LRP1B: variants seen among roughly 807,000 people sequenced by gnomAD.
The protein encoded by LRP1B is LDL receptor related protein 1B, also known as low-density lipoprotein receptor-related protein 1B.
LRP1B carries 217 observed loss-of-function variants against 556.6 expected under a neutral mutation model. The ratio of observed to expected loss-of-function variants is 0.39; its 90% confidence interval spans 0.35 to 0.44. LRP1B has a LOEUF of 0.44. LRP1B is among the 20% of genes least tolerant of loss of function. The pLI is 1.00. For synonymous variants in LRP1B, 2,047 were observed against 1,865.8 expected (o/e 1.10, Z -2.50); for missense variants, 5,053 against 5,620.8 (o/e 0.90, Z 3.23).
chr2:141,591,760 C>T (rs1445482945), intron 2 of LRP1B, among the ~76,000 whole-genome samples: 1 of 151,932 alleles, frequency 6.6e-6, no homozygotes, highest in African/African-American at 2.4e-5. Flanking sequence ...TATGATTAAG[C>T]CTATAAAAAA....
intron 18 of LRP1B, among the ~76,000 whole-genome samples, chr2:140,962,589 C>T (rs1361961392): frequency 1.3e-5 from 2 of 152,138 alleles, no homozygotes; most frequent in Admixed American, 6.5e-5. Flanking sequence ...ACAGAAGTTA[C>T]ACCACGACTG....
At chr2:141,070,905 C>T (rs2105482535) in intron 7 of LRP1B, among the ~76,000 whole-genome samples, 1 of 152,194 alleles carries the variant, frequency 6.6e-6, no homozygotes, top group South Asian at 2.1e-4. Flanking sequence ...GATGGATTCA[C>T]AGCCGAATTC....
At chr2:140,900,629 T>C (rs1694077169) in intron 23 of LRP1B, among the ~76,000 whole-genome samples, 1 of 152,176 alleles carries the variant, frequency 6.6e-6, no homozygotes, top group South Asian at 2.1e-4. Context: ...TAACTGCATA[T>C]TATTTTCCCA....
rs1270017540 is a variant in LRP1B at position 140,748,823 on chromosome 2, TATATCATATA to T, written c.5758+20380_5758+20389del. On this transcript the variant is annotated intron_variant, in intron 35 of 90. Transcript: ENST00000389484. ...ACATATTATATACATGTATATAATA[TATATCATATA>T]TTATATACATGTATATAATATATAT... 1.3e-3 allele frequency among the ~76,000 whole-genome samples: 116 copies of T among 92,426 alleles called. 3 individuals carry two copies. The highest frequency in any genetic ancestry group is 5.2e-3 in the African/African-American group (114 of 21,786). 60.6% of individuals were successfully genotyped at this position (92,426 alleles called of 152,430 possible).
chr2:140,712,662 C>A (rs1687074923), intron 37 of LRP1B, among the ~76,000 whole-genome samples: 1 of 152,036 alleles, frequency 6.6e-6, no homozygotes. Context: ...CCCTTCATCA[C>A]CCAGTTTGCA....
At chr2:140,908,730 T>C (rs539355556) in intron 21 of LRP1B, among the ~76,000 whole-genome samples, 2 of 152,210 alleles carry the variant, frequency 1.3e-5, no homozygotes, top group South Asian at 2.1e-4. Flanking sequence ...AAAAAAATAA[T>C]TATTGTTTAG....
chr2:141,624,021 A>C (rs1688604894), intron 2 of LRP1B, among the ~76,000 whole-genome samples: 2 of 125,592 alleles, frequency 1.6e-5, no homozygotes, highest in Non-Finnish European at 3.4e-5. Flanking sequence ...AACTCAAAAA[A>C]AAAAAAAAAT....
At chr2:140,288,463 C>T (rs1573738768) in intron 84 of LRP1B, among the ~76,000 whole-genome samples, 3 of 151,728 alleles carry the variant, frequency 2.0e-5, no homozygotes, top group Admixed American at 2.0e-4. Context: ...ATATAAATAA[C>T]CACGTTTAAA....
At chr2:140,270,482 A>G in intron 85 of LRP1B, 136 bp from the exon 86 acceptor site, 1 of 597,138 alleles carries the variant, frequency 1.7e-6, no homozygotes, top group South Asian at 2.3e-5. Flanking sequence ...GGAAGTTTTC[A>G]GGAAGTCTGA....
chr2:140,604,400 T>C (rs1279951435), intron 41 of LRP1B, among the ~76,000 whole-genome samples: 1 of 152,040 alleles, frequency 6.6e-6, no homozygotes, highest in Non-Finnish European at 1.5e-5. Context: ...TGTACCCTAT[T>C]TCCTGGATTC....
intron 35 of LRP1B, among the ~76,000 whole-genome samples, chr2:140,741,907 A>C (rs901496709): frequency 3.3e-5 from 5 of 152,292 alleles, no homozygotes; most frequent in African/African-American, 9.6e-5. Context: ...AATAGCCTCC[A>C]GCTCCATTCA....
intron 49 of LRP1B, among the ~76,000 whole-genome samples, chr2:140,521,087 TGAGA>T (rs1200158677): frequency 6.6e-6 from 1 of 151,934 alleles, no homozygotes; most frequent in Admixed American, 6.6e-5. Flanking sequence ...TTGAGATTCA[TGAGA>T]GAGAAGAGAA....
At chr2:141,471,371 C>T (rs1239916079) in intron 3 of LRP1B, among the ~76,000 whole-genome samples, 1 of 149,468 alleles carries the variant, frequency 6.7e-6, no homozygotes, top group African/African-American at 2.5e-5. Flanking sequence ...TGTAACTCCT[C>T]TTGGTCTATT....
chr2:141,709,296 C>T lies in LRP1B; in HGVS notation c.205+100983G>A, dbSNP rs996108748. Among the ~76,000 whole-genome samples the T allele has an allele frequency of 4.6e-5, 7 of 151,806 alleles. No individual in the cohort carries two copies. The South Asian group carries it at 1.5e-3, about 32-fold the overall frequency. On this transcript the variant is annotated intron_variant, in intron 2 of 90. Coordinates refer to ENST00000389484, the MANE Select transcript of LRP1B (RefSeq NM_018557.3). ...CCTGGGAGGCAGAAGTTGCAGTGAG[C>T]CAAGACTGCACCATTGCACTCCAGC...
intron 32 of LRP1B, among the ~76,000 whole-genome samples, chr2:140,808,969 G>T (rs1690823735): frequency 2.0e-5 from 3 of 151,968 alleles, no homozygotes; most frequent in African/African-American, 7.3e-5. Flanking sequence ...GCTCTACCAG[G>T]TGACTTTTTT....
At chr2:141,072,724 A>T (rs1392457063) in intron 7 of LRP1B, among the ~76,000 whole-genome samples, 2 of 151,716 alleles carry the variant, frequency 1.3e-5, no homozygotes, top group African/African-American at 2.4e-5. Context: ...TAACCCTTTG[A>T]TTCACTTCAC....
At position 142,071,655 on chromosome 2, in the gene LRP1B, G is replaced by A. The variant is rs1412982003; in HGVS notation, c.82+58993C>T. 1.3e-4 allele frequency among the ~76,000 whole-genome samples: 19 copies of A among 151,990 alleles called. 1 individual carries two copies. Among genetic ancestry groups the A allele is most frequent in the Admixed American group, 1.2e-3 (19 of 15,216 alleles). ...AACAGAGGCAAAGTTGAGTATTTGT[G>A]ACAGAGACTGTACGACCTGTAAACC... is the stretch of plus-strand genomic sequence containing the variant. On this transcript the variant is annotated intron_variant, in intron 1 of 90. Coordinates refer to ENST00000389484, the MANE Select transcript of LRP1B (RefSeq NM_018557.3).
chr2:140,559,161 C>T (rs1308697988), intron 43 of LRP1B, among the ~76,000 whole-genome samples: 1 of 151,844 alleles, frequency 6.6e-6, no homozygotes, highest in Non-Finnish European at 1.5e-5. Flanking sequence ...TCATAGTATA[C>T]AGTATGCAAA....
intron 43 of LRP1B, among the ~76,000 whole-genome samples, chr2:140,580,256 G>A (rs1681708133): frequency 6.6e-6 from 1 of 152,104 alleles, no homozygotes; most frequent in Admixed American, 6.5e-5. Flanking sequence ...AAAGACGCAA[G>A]GTCTGGAAAT....
Sources: gnomAD v4.1 joint callset for allele counts (sites outside exome capture counted in the v4.1 genomes callset) on GRCh38, gnomAD v4.1.1 for gene constraint, MANE v1.5 for transcripts, NCBI Gene and HGNC (gene_info 2026-07-23, HGNC 2026-07-21) for gene names.